Variants in TARBP2 observed in about 807,000 individuals in gnomAD.
TARBP2 encodes TARBP2 subunit of RISC loading complex, also known as RISC-loading complex subunit TARBP2.
Under a neutral mutation model 40.4 loss-of-function variants are expected in TARBP2, and 23 were observed. The ratio of observed to expected loss-of-function variants is 0.57; its 90% CI spans 0.41 to 0.81. The LOEUF is 0.81. Among genes scored for constraint, TARBP2 ranks in the 30% least tolerant of loss-of-function variants. TARBP2 has a pLI of 0.00. For missense variants in TARBP2, 358 were observed against 473.7 expected (o/e 0.76, Z 2.27); for synonymous variants, 183 against 190.5 (o/e 0.96, Z 0.32).
intron 2 of TARBP2, 45 bp from the exon 3 acceptor site, chr12:53,502,982 C>A: frequency 1.3e-6 from 2 of 1,515,350 alleles, no homozygotes; most frequent in South Asian, 1.3e-5. Flanking sequence ...GTTTCTTTCC[C>A]GTCCTTTCAG....
chr12:53,505,732 G>A lies in TARBP2; in HGVS notation c.825G>A (p.Lys275=), dbSNP rs374237346. ...WDSLRNSVGE[K]ILSLRSCSLG... is the part of the protein sequence containing the mutation. ...CTCTACGAAATTCAGTAGGAGAGAAGATCCTGTCCCTCCGCAGTTGCTCCC... is the reference window on the plus strand; with the variant it reads ...CTCTACGAAATTCAGTAGGAGAGAAAATCCTGTCCCTCCGCAGTTGCTCCC... The change falls in exon 8 of 9, where the codon AAG becomes AAA. Residue 275 remains lysine, a synonymous_variant. Coordinates refer to ENST00000266987, the MANE Select transcript of TARBP2 (RefSeq NM_134323.2). The surrounding 1 kb of genome is among the most constrained non-coding windows in gnomAD (Gnocchi z 4.5). 1.9e-6 allele frequency: 3 copies of A among 1,614,118 alleles called. No homozygotes were observed. Among genetic ancestry groups the A allele is most frequent in the East Asian group, 2.2e-5 (1 of 44,878 alleles).
At chr12:53,504,499 C>A in intron 5 of TARBP2, 30 bp downstream of exon 5, 1 of 1,608,428 alleles carries the variant, frequency 6.2e-7, no homozygotes, top group Non-Finnish European at 8.5e-7. Flanking sequence ...CCCATGCATG[C>A]CTGTCTTCCC....
intron 4 of TARBP2, 150 bp from the exon 5 acceptor site, chr12:53,504,247 G>A (rs1335680473): frequency 2.9e-6 from 2 of 700,848 alleles, no homozygotes; most frequent in Non-Finnish European, 4.6e-6. Flanking sequence ...AGCAGGAGGA[G>A]CAGGCTAGAT....
rs1290294258 is a variant in TARBP2, at chr12:53,506,091, T to C, written c.1044T>C (p.Arg348=). Residue 348 remains arginine (R), a synonymous_variant, in exon 9 of 9, where the codon CGT becomes CGC. Transcript: ENST00000266987. ...CTGCAACCACCAGGGAGGCAGCCCG[T>C]GGTGAGGCTGCCCGCCGTGCCCTGC... is the stretch of plus-strand genomic sequence containing the variant. ...HGSATTREAA[R]GEAARRALQY... The C allele has an allele frequency of 1.2e-6, 2 of 1,613,688 alleles. No homozygotes were observed. Among genetic ancestry groups the C allele is most frequent in the Non-Finnish European group, 1.7e-6 (2 of 1,179,982 alleles).
intron 5 of TARBP2, 85 bp from the exon 6 acceptor site, chr12:53,504,612 AG>A: frequency 6.2e-7 from 1 of 1,612,194 alleles, no homozygotes. Context: ...TCTCACCTAG[AG>A]TCTGAGGCTC....
chr12:53,502,942 G>A, intron 2 of TARBP2, 85 bp from the exon 3 acceptor site: 1 of 1,395,580 alleles, frequency 7.2e-7, no homozygotes, highest in Non-Finnish European at 9.6e-7. Flanking sequence ...GATTCCCTCT[G>A]GCTACGAGGA....
At chr12:53,501,689 C>G in intron 1 of TARBP2, 1 of 1,435,284 alleles carries the variant, frequency 7.0e-7, no homozygotes, top group Admixed American at 2.9e-5. Context: ...GGCTTTATGC[C>G]CCCACATTCA....
At chr12:53,504,854 G>C (rs370391566) in intron 6 of TARBP2, 39 bp downstream of exon 6, 18 of 1,606,390 alleles carry the variant, frequency 1.1e-5, no homozygotes, top group African/African-American at 2.7e-5. Flanking sequence ...CTCCTCTCCC[G>C]CAGCACTCTG....
At chr12:53,504,563 C>T (rs749623498) in intron 5 of TARBP2, 94 bp downstream of exon 5, 1 of 1,603,308 alleles carries the variant, frequency 6.2e-7, no homozygotes, top group Non-Finnish European at 8.5e-7. Flanking sequence ...GGGGGCGGTT[C>T]CTTGTACTGA....
At chr12:53,501,557 TG>T in intron 1 of TARBP2, 96 bp downstream of exon 1, 1 of 1,525,602 alleles carries the variant, frequency 6.6e-7, no homozygotes, top group Non-Finnish European at 8.8e-7. Flanking sequence ...GCCTGAGGGT[TG>T]TTCCCGGCAA....
chr12:53,503,214 T>C (rs1943798210), intron 3 of TARBP2, 85 bp downstream of exon 3: 1 of 1,451,522 alleles, frequency 6.9e-7, no homozygotes. Context: ...CCTGGCCAGG[T>C]GACACTTAGC....
rs1183068848 is a variant in TARBP2 at position 53,501,407 on chromosome 12, G to T, written c.-2G>T. ...GTGGCGCCCGCGGGGACGGAGGAGG[G>T]AATGAGTGAAGAGGAGCAAGGCTCC... is the stretch of plus-strand genomic sequence containing the variant. On this transcript the variant is annotated 5_prime_UTR_variant, in exon 1 of 9. Coordinates refer to ENST00000266987, the MANE Select transcript of TARBP2 (RefSeq NM_134323.2). The T allele has an allele frequency of 6.4e-7, 1 of 1,564,246 alleles. No homozygotes were observed. The highest frequency in any genetic ancestry group is 1.9e-5 in the Admixed American group (1 of 52,480).
chr12:53,505,308 C>A lies in TARBP2; in HGVS notation c.741+46C>A. ...GGGCACCGTGGCCCATCCTCCATGCCAGGGCAGGGCTCCAGGGACTTGGGT... is the reference window on the plus strand; with the variant it reads ...GGGCACCGTGGCCCATCCTCCATGCAAGGGCAGGGCTCCAGGGACTTGGGT... On this transcript the variant is annotated intron_variant, in intron 7 of 8. Coordinates refer to ENST00000266987, the MANE Select transcript of TARBP2 (RefSeq NM_134323.2). The surrounding 1 kb of genome is among the most constrained non-coding windows in gnomAD (Gnocchi z 4.5). The A allele has an allele frequency of 6.5e-7, 1 of 1,546,834 alleles. No homozygotes were observed. Among genetic ancestry groups the A allele is most frequent in the South Asian group, 1.2e-5 (1 of 82,090 alleles).
In TARBP2 at chr12:53,502,146, T is replaced by A. The variant is rs374404200; in HGVS notation, c.185T>A (p.Phe62Tyr). 6.2e-6 allele frequency: 10 copies of A among 1,614,224 alleles called. No homozygotes were observed. Among genetic ancestry groups the A allele is most frequent in the African/African-American group, 1.3e-5 (1 of 75,078 alleles). The change falls in exon 2 of 9, where the codon TTC (phenylalanine) becomes TAC (tyrosine). Residue 62 changes from phenylalanine (F) to tyrosine (Y), a missense_variant. Physicochemically the swap from Phe to Tyr is conservative, Grantham distance 22. Around this residue, in one of 3 missense-constraint regions of TARBP2, gnomAD observed 317 missense variants for 422.9 expected, o/e 0.75. Transcript: ENST00000266987. ...GAGGGCCAAGCCCACCAGCCTAATT[T>A]CACCTTCCGGGTCACCGTTGGCGAC... ...KAEGQAHQPN[F>Y]TFRVTVGDTS...
At chr12:53,501,106 A>G (rs1423164576), upstream of TARBP2, 2 of 457,306 alleles carry the variant, frequency 4.4e-6, no homozygotes, top group African/African-American at 2.0e-5. Context: ...AGGAGGCGGG[A>G]CGGTATTACA....
At chr12:53,502,392 C>T (rs1299144162) in intron 2 of TARBP2, 3 of 615,560 alleles carry the variant, frequency 4.9e-6, no homozygotes, top group Non-Finnish European at 8.4e-6. Flanking sequence ...GAGCAGGACT[C>T]CCACAGTGAT....
chr12:53,506,378 CA>C lies in TARBP2; in HGVS notation c.*231del. On this transcript the variant is annotated 3_prime_UTR_variant, in exon 9 of 9. Transcript: ENST00000266987. Reference sequence around the variant, plus strand: ...TGGTGATGATGAATGGGAATGAAATCAGGGGGCTGTCTACTAGAGCCTGGAA... The same window carrying C: ...TGGTGATGATGAATGGGAATGAAATCGGGGGCTGTCTACTAGAGCCTGGAA... 8.7e-6 allele frequency: 5 copies of C among 576,786 alleles called. No homozygotes were observed. The allele number at this position is 576,786 out of a possible 1,614,324, so 35.7% of individuals were successfully genotyped here.
At position 53,505,658 on chromosome 12, in the gene TARBP2, TCCCGCCTGGATGGTCTTCGAAACCGGGG is replaced by T; in HGVS notation, c.755_782del (p.Arg252GlnfsTer12). On this transcript the variant is annotated frameshift_variant, in exon 8 of 9. Coordinates refer to ENST00000266987, the MANE Select transcript of TARBP2 (RefSeq NM_134323.2). LOFTEE classifies it high-confidence loss of function. The surrounding 1 kb of genome is among the most constrained non-coding windows in gnomAD (Gnocchi z 4.5). Reference sequence around the variant, plus strand: ...GTTCCCATCTTGACAGGGTGTGGGCTCCCGCCTGGATGGTCTTCGAAACCGGGGCCCAGGTTGCACCTGGGATTCTCTA... The same window carrying T: ...GTTCCCATCTTGACAGGGTGTGGGCTCCCAGGTTGCACCTGGGATTCTCTA... The T allele has an allele frequency of 6.2e-7, 1 of 1,614,000 alleles. No individual in the cohort carries two copies. The highest frequency in any genetic ancestry group is 8.5e-7 in the Non-Finnish European group (1 of 1,179,956).
upstream of TARBP2, chr12:53,501,032 C>CT (rs1412721458): frequency 1.6e-5 from 4 of 255,570 alleles, no homozygotes; most frequent in Non-Finnish European, 7.7e-6. Context: ...TACCCAGCGG[C>CT]TTCCCCTCCG....
Sources: allele counts gnomAD v4.1 joint callset, GRCh38; gene constraint gnomAD v4.1.1; regional missense constraint gnomAD v4.1.1; non-coding constraint Gnocchi (gnomAD v3.1); transcripts MANE v1.5; gene names NCBI Gene and HGNC (gene_info 2026-07-23, HGNC 2026-07-21).